RGS6: variants seen among roughly 807,000 people sequenced by gnomAD.
The protein encoded by RGS6 is regulator of G-protein signaling 6.
In RGS6, 30 loss-of-function variants were observed where a neutral mutation model predicts 78.5. That is an observed-to-expected ratio of 0.38 (90% confidence interval 0.29 to 0.52). The LOEUF is 0.52. RGS6 is among the 20% of genes least tolerant of loss of function. The pLI is 0.85. For synonymous variants in RGS6, 206 were observed against 206.0 expected (o/e 1.00, Z 0.00); for missense variants, 495 against 609.7 (o/e 0.81, Z 1.98).
intron 2 of RGS6, among the ~76,000 whole-genome samples, chr14:72,190,465 C>G (rs377089240): frequency 6.6e-6 from 1 of 152,170 alleles, no homozygotes; most frequent in African/African-American, 2.4e-5. Flanking sequence ...CCAGGATTTT[C>G]TGAAGTGACT....
At position 72,253,310 on chromosome 14, in the gene RGS6, G is replaced by T. The variant is rs193173467; in HGVS notation, c.85-98785G>T. ...CCCACCTGCCACTGGCATGTAAGGT[G>T]AGTAGGAAATAAAGCTTTCTTTGTA... On this transcript the variant is annotated intron_variant, in intron 2 of 17. Coordinates refer to ENST00000553525, the MANE Select transcript of RGS6 (RefSeq NM_001204424.2). 4.6e-5 allele frequency among the ~76,000 whole-genome samples: 7 copies of T among 152,342 alleles called. No individual in the cohort carries two copies. The East Asian group carries it at 1.4e-3, about 29-fold the overall frequency.
At chr14:72,463,297 T>C (rs1376064276) in intron 6 of RGS6, among the ~76,000 whole-genome samples, 3 of 152,216 alleles carry the variant, frequency 2.0e-5, no homozygotes, top group African/African-American at 7.2e-5. Flanking sequence ...CTGGCTATTG[T>C]CACCAGTAGT....
intron 2 of RGS6, among the ~76,000 whole-genome samples, chr14:71,984,192 G>A (rs2094582459): frequency 6.6e-6 from 1 of 151,790 alleles, no homozygotes; most frequent in Admixed American, 6.6e-5. Flanking sequence ...AGGGAACTGA[G>A]GGTCAGAAGG....
chr14:71,983,121 A>G (rs1025200469), intron 2 of RGS6, among the ~76,000 whole-genome samples: 7 of 152,232 alleles, frequency 4.6e-5, no homozygotes, highest in African/African-American at 1.4e-4. Flanking sequence ...GCTAATGGCC[A>G]GGATCTGGAC....
chr14:71,973,131 G>A (rs563773840), intron 2 of RGS6, among the ~76,000 whole-genome samples: 2 of 152,274 alleles, frequency 1.3e-5, no homozygotes, highest in Non-Finnish European at 2.9e-5. Flanking sequence ...TGTGAAGTAA[G>A]GGGTTAGCTA....
intron 2 of RGS6, among the ~76,000 whole-genome samples, chr14:72,172,919 C>A (rs1304282627): frequency 6.6e-6 from 1 of 152,156 alleles, no homozygotes; most frequent in Non-Finnish European, 1.5e-5. Flanking sequence ...ACGAGCTCTC[C>A]CAGGCTTTTC....
At chr14:72,430,811 C>T (rs1344223138) in intron 3 of RGS6, among the ~76,000 whole-genome samples, 2 of 152,262 alleles carry the variant, frequency 1.3e-5, no homozygotes, top group East Asian at 3.9e-4. Flanking sequence ...ATGCTGATCA[C>T]CCATGGGCAT....
chr14:72,442,799 C>T (rs1270380766), intron 3 of RGS6, among the ~76,000 whole-genome samples: 1 of 152,138 alleles, frequency 6.6e-6, no homozygotes, highest in Non-Finnish European at 1.5e-5. Context: ...TGCCTCCTGG[C>T]CACTCCTATG....
chr14:72,186,642 C>A (rs1019606951), intron 2 of RGS6, among the ~76,000 whole-genome samples: 1 of 152,102 alleles, frequency 6.6e-6, no homozygotes, highest in African/African-American at 2.4e-5. Flanking sequence ...AACCCTCCTG[C>A]TCTGCCTGCC....
intron 3 of RGS6, among the ~76,000 whole-genome samples, chr14:72,448,470 G>C (rs1353122468): frequency 6.6e-6 from 1 of 151,376 alleles, no homozygotes; most frequent in Non-Finnish European, 1.5e-5. Flanking sequence ...AGCTTTCTCT[G>C]CTAGCTGATC....
intron 5 of RGS6, among the ~76,000 whole-genome samples, chr14:72,459,022 C>T (rs1055396263): frequency 6.6e-6 from 1 of 152,200 alleles, no homozygotes; most frequent in Admixed American, 6.5e-5. Flanking sequence ...GAGGAGAAAA[C>T]TGAATTGCTC....
intron 17 of RGS6, among the ~76,000 whole-genome samples, chr14:72,560,741 T>C (rs1567136124): frequency 3.9e-5 from 6 of 151,922 alleles, no homozygotes; most frequent in Admixed American, 3.3e-4. Flanking sequence ...TGCTGCAGGC[T>C]AAGTTTAGTG....
chr14:72,258,605 G>C (rs1368633128), intron 2 of RGS6, among the ~76,000 whole-genome samples: 2 of 152,182 alleles, frequency 1.3e-5, no homozygotes, highest in South Asian at 4.1e-4. Flanking sequence ...ACTTGACTTG[G>C]AGCCAGAAGA....
chr14:72,113,563 A>G (rs918330625), intron 2 of RGS6, among the ~76,000 whole-genome samples: 1 of 152,244 alleles, frequency 6.6e-6, no homozygotes, highest in Admixed American at 6.5e-5. Context: ...CTGATGTTCT[A>G]ACAGTTTGCT....
At chr14:71,961,691 A>G (rs2093211172) in intron 1 of RGS6, among the ~76,000 whole-genome samples, 1 of 152,182 alleles carries the variant, frequency 6.6e-6, no homozygotes, top group African/African-American at 2.4e-5. Flanking sequence ...GTGAGTCCAT[A>G]TAGGAAAATA....
intron 2 of RGS6, among the ~76,000 whole-genome samples, chr14:71,975,590 C>T (rs1309497435): frequency 1.3e-5 from 2 of 152,110 alleles, no homozygotes; most frequent in Non-Finnish European, 2.9e-5. Context: ...TCCCGAGTAG[C>T]TGGGACTAGA....
At position 72,265,439 on chromosome 14, in the gene RGS6, G is replaced by A. The variant is rs2058873733; in HGVS notation, c.85-86656G>A. The stretch of plus-strand genomic sequence containing the variant: ...GCCAGGTACTGGTCAGTGCCCTCAA[G>A]GGTGGAGAAGACCTCTTGGGAACCA... On this transcript the variant is annotated intron_variant, in intron 2 of 17. Transcript: ENST00000553525. Among the ~76,000 whole-genome samples, 3 of 152,170 alleles carry A rather than the reference G, an allele frequency of 2.0e-5. No individual in the cohort carries two copies. In the South Asian group the frequency reaches 6.2e-4, roughly 31 times the overall value.
chr14:72,365,138 C>T (rs1258130081), intron 3 of RGS6, among the ~76,000 whole-genome samples: 1 of 152,142 alleles, frequency 6.6e-6, no homozygotes, highest in Non-Finnish European at 1.5e-5. Context: ...TGTAGTGGAT[C>T]AAATGAGCCT....
the RGS6 span, among the ~76,000 whole-genome samples, chr14:71,886,933 C>T: frequency 0.067 from 10,198 of 152,174 alleles, 493 homozygotes; most frequent in Non-Finnish European, 0.1. Context: ...GGGTGGATCA[C>T]GAGGTCAGGA....
Sources: gnomAD v4.1 joint callset for allele counts (sites outside exome capture counted in the v4.1 genomes callset) on GRCh38, gnomAD v4.1.1 for gene constraint, MANE v1.5 for transcripts, NCBI Gene and HGNC (gene_info 2026-07-23, HGNC 2026-07-21) for gene names.